APPL2: variants seen among roughly 807,000 people sequenced by gnomAD.
The protein encoded by APPL2 is adaptor protein, phosphotyrosine interacting with PH domain and leucine zipper 2, also known as DCC-interacting protein 13-beta.
Under a neutral mutation model 92.7 loss-of-function variants are expected in APPL2, and 84 were observed. The ratio of observed to expected loss-of-function variants is 0.91; its 90% CI spans 0.76 to 1.09. APPL2 has a LOEUF of 1.09. APPL2 is among the 50% of genes least tolerant of loss of function. The probability of loss-of-function intolerance (pLI) is 0.00; values close to 1 mark genes in which losing one functional copy is unlikely to be tolerated. For synonymous variants in APPL2, 291 were observed against 291.0 expected, an observed-to-expected ratio of 1.00 and a Z score of 0.00; for missense variants, 736 against 824.5, an observed-to-expected ratio of 0.89 and a Z score of 1.31.
chr12:105,173,685 A>G lies in APPL2; in HGVS notation c.*629T>C, dbSNP rs1033935513. The G allele has an allele frequency of 1.3e-5, 2 of 152,604 alleles. No individual in the cohort carries two copies. The highest frequency in any genetic ancestry group is 2.9e-5 in the Non-Finnish European group (2 of 68,076). 9.5% of individuals were successfully genotyped at this position (152,604 alleles called of 1,614,324 possible). ...TCAGTAAGGCTCCACTGTAAAATCA[A>G]ACATCTTTTGTGGTATTCATTTTTT... is the stretch of plus-strand genomic sequence containing the variant. On this transcript the variant is annotated 3_prime_UTR_variant, in exon 21 of 21. Coordinates refer to ENST00000258530, the MANE Select transcript of APPL2 (RefSeq NM_018171.5).
In APPL2 at chr12:105,236,092, C is replaced by G. The variant is rs912099037; in HGVS notation, c.-80G>C. ...CGGCGGCCGAGAGCACTCCCCGGCT[C>G]TGGGCTCAGGCGACGCGGCGGCCAC... On this transcript the variant is annotated 5_prime_UTR_variant, in exon 1 of 21. Transcript: ENST00000258530. 2 of 1,069,012 alleles carry G rather than the reference C, an allele frequency of 1.9e-6. No homozygotes were observed. The highest frequency in any genetic ancestry group is 4.5e-5 in the Admixed American group (1 of 22,062). The allele number at this position is 1,069,012 out of a possible 1,614,324, so 66.2% of individuals were successfully genotyped here.
chr12:105,194,887 ATTTT>A (rs932245156), intron 14 of APPL2, among the ~76,000 whole-genome samples: 1 of 151,128 alleles, frequency 6.6e-6, no homozygotes, highest in African/African-American at 2.4e-5. Flanking sequence ...ATAAAAGGCG[ATTTT>A]TTTTTCCTTA....
intron 14 of APPL2, among the ~76,000 whole-genome samples, chr12:105,191,518 G>C (rs145509832): frequency 6.6e-6 from 1 of 152,330 alleles, no homozygotes; most frequent in Non-Finnish European, 1.5e-5. Context: ...TCCCCAGAGA[G>C]TCAAAGGGGG....
chr12:105,174,876 T>TGGTGG (rs796727681), intron 20 of APPL2, among the ~76,000 whole-genome samples: 4 of 89,022 alleles, frequency 4.5e-5, no homozygotes, highest in East Asian at 7.6e-4. Context: ...TTTTTTTTGG[T>TGGTGG]GGGGGGGGGG....
chr12:105,212,012 G>A (rs555594069), intron 4 of APPL2, among the ~76,000 whole-genome samples: 58 of 151,732 alleles, frequency 3.8e-4, no homozygotes, highest in Non-Finnish European at 8.2e-4. Context: ...CCAGCTATGT[G>A]GGAGGCTGAG....
intron 8 of APPL2, among the ~76,000 whole-genome samples, chr12:105,206,211 C>T (rs770158248): frequency 6.6e-6 from 1 of 152,092 alleles, no homozygotes; most frequent in Non-Finnish European, 1.5e-5. Flanking sequence ...AATATATGTG[C>T]CTTAAAAATG....
chr12:105,197,906 GT>G lies in APPL2; in HGVS notation c.910del (p.Thr304ProfsTer18). The G allele has an allele frequency of 6.2e-7, 1 of 1,614,170 alleles. No homozygotes were observed. Among genetic ancestry groups the G allele is most frequent in the East Asian group, 2.2e-5 (1 of 44,876 alleles). ...TTTWERLYFF[T>X]QGGNLMCQPR... Reference sequence around the variant, plus strand: ...CTGACACATGAGATTCCCGCCTTGGGTGAAGAAATAAAGCCTCTCCCAGGTG... The same window carrying G: ...CTGACACATGAGATTCCCGCCTTGGGGAAGAAATAAAGCCTCTCCCAGGTG... On this transcript the variant is annotated frameshift_variant, in exon 11 of 21. Coordinates refer to ENST00000258530, the MANE Select transcript of APPL2 (RefSeq NM_018171.5). LOFTEE classifies it high-confidence loss of function.
chr12:105,210,158 C>T (rs1025373925), intron 5 of APPL2, among the ~76,000 whole-genome samples: 11 of 152,160 alleles, frequency 7.2e-5, no homozygotes, highest in African/African-American at 2.4e-4. Context: ...GACGAGGTTT[C>T]GCCGTGTTAG....
At chr12:105,176,738 A>T in intron 19 of APPL2, 138 bp downstream of exon 19, 1 of 1,115,820 alleles carries the variant, frequency 9.0e-7, no homozygotes, top group Non-Finnish European at 1.3e-6. Flanking sequence ...AGGCCTTCTT[A>T]GGAGGTATTA....
At chr12:105,216,996 A>G in intron 4 of APPL2, 73 bp downstream of exon 4, 3 of 1,099,724 alleles carry the variant, frequency 2.7e-6, no homozygotes, top group Non-Finnish European at 4.0e-6. Context: ...TAAAAATGGA[A>G]AGTGGGCCAA....
intron 17 of APPL2, among the ~76,000 whole-genome samples, chr12:105,179,848 G>A (rs983988094): frequency 6.6e-6 from 1 of 152,180 alleles, no homozygotes; most frequent in Non-Finnish European, 1.5e-5. Context: ...ATGTGTTTAA[G>A]TTCTTTGTAG....
chr12:105,231,127 C>T (rs1479007570), intron 1 of APPL2, among the ~76,000 whole-genome samples: 1 of 152,212 alleles, frequency 6.6e-6, no homozygotes, highest in Non-Finnish European at 1.5e-5. Context: ...TCATAATCTA[C>T]TAATGGATGT....
intron 1 of APPL2, among the ~76,000 whole-genome samples, chr12:105,234,771 G>A (rs1466172375): frequency 1.8e-5 from 2 of 114,000 alleles, no homozygotes; most frequent in East Asian, 5.3e-4. Context: ...TAAAATGCCA[G>A]GAGTCTACAG....
At chr12:105,186,629 T>TATATATGATATCGATATC (rs1189665163) in intron 17 of APPL2, among the ~76,000 whole-genome samples, 3 of 133,050 alleles carry the variant, frequency 2.3e-5, no homozygotes, top group African/African-American at 8.3e-5. Context: ...ATATATATCA[T>TATATATGATATCGATATC]ATATATCATA....
chr12:105,211,055 CT>C (rs1366959914), intron 5 of APPL2, among the ~76,000 whole-genome samples, 174 bp downstream of exon 5: 2 of 152,164 alleles, frequency 1.3e-5, no homozygotes, highest in African/African-American at 4.8e-5. Context: ...CTGTGATCTC[CT>C]TTAGGTGAGC....
At chr12:105,196,441 T>C (rs1887658879) in intron 11 of APPL2, among the ~76,000 whole-genome samples, 4 of 125,534 alleles carry the variant, frequency 3.2e-5, no homozygotes, top group African/African-American at 1.3e-4. Flanking sequence ...TTTTTTTTTT[T>C]TTTTTTTTTT....
At chr12:105,199,569 G>A (rs770564335) in intron 9 of APPL2, 38 bp from the exon 10 acceptor site, 1 of 1,597,812 alleles carries the variant, frequency 6.3e-7, no homozygotes, top group Non-Finnish European at 8.5e-7. Context: ...ACTCACTGCT[G>A]GCCAACCCAG....
Position 105,208,218 on chromosome 12 carries a change from A to G in APPL2, c.374-19T>C, listed in dbSNP as rs749796847. ...CTTACTTCTGAAAAGGAGAAAAGGG[A>G]CCGTCTTAGAGCAATGAAAAATAAA... On this transcript the variant is annotated intron_variant, in intron 5 of 20. Coordinates refer to ENST00000258530, the MANE Select transcript of APPL2 (RefSeq NM_018171.5). 18 of 1,613,948 alleles carry G rather than the reference A, an allele frequency of 1.1e-5. No individual in the cohort carries two copies. The Admixed American group carries it at 3.0e-4, about 27-fold the overall frequency.
Position 105,236,133 on chromosome 12 carries a change from G to T in APPL2, c.-121C>A. ...CGGCGGCCACTCCGTGCCCGCGGCGGCCCCGCGCGCGTCCACGCCTGGCCA... is the reference window on the plus strand; with the variant it reads ...CGGCGGCCACTCCGTGCCCGCGGCGTCCCCGCGCGCGTCCACGCCTGGCCA... On this transcript the variant is annotated 5_prime_UTR_variant, in exon 1 of 21. Transcript: ENST00000258530. The T allele has an allele frequency of 3.5e-6, 2 of 574,764 alleles. No homozygotes were observed. Among genetic ancestry groups the T allele is most frequent in the Non-Finnish European group, 4.6e-6 (2 of 435,850 alleles). The allele number at this position is 574,764 out of a possible 1,614,324, so 35.6% of individuals were successfully genotyped here. A position where few individuals can be genotyped will look rare whatever the true frequency, so the allele number is the denominator to read the frequency against.
Sources: allele counts gnomAD v4.1 joint callset (sites outside exome capture counted in the v4.1 genomes callset), GRCh38; gene constraint gnomAD v4.1.1; transcripts MANE v1.5; gene names NCBI Gene and HGNC (gene_info 2026-07-23, HGNC 2026-07-21).